The following CNKSR2 variants were observed in gnomAD, a reference collection of about 807,000 sequenced individuals.
CNKSR2 encodes the protein connector enhancer of kinase suppressor of Ras 2.
Under a neutral mutation model 84.4 loss-of-function variants are expected in CNKSR2, and 14 were observed. The observed-to-expected ratio is 0.17, with a 90% CI of 0.11 to 0.26. The LOEUF is 0.26. CNKSR2 is among the 10% of genes least tolerant of loss of function. The probability of loss-of-function intolerance (pLI) is 1.00; values close to 1 mark genes in which losing one functional copy is unlikely to be tolerated. For missense variants in CNKSR2, 485 were observed against 771.2 expected (o/e 0.63, Z 4.40); for synonymous variants, 275 against 277.9 (o/e 0.99, Z 0.10).
chrX:21,637,373 T>A (rs1313986710), intron 20 of CNKSR2: 1 of 111,709 alleles, frequency 9.0e-6, no homozygotes, highest in Admixed American at 9.5e-5. Context: ...TCAAATATTT[T>A]ATTTTACCCG....
chrX:21,518,702 A>G (rs1485260738), intron 9 of CNKSR2, among the ~76,000 whole-genome samples: 1 of 111,895 alleles, frequency 8.9e-6, no homozygotes, highest in African/African-American at 3.2e-5. Flanking sequence ...CTTACTCTTC[A>G]GGCACTATTT....
At chrX:21,475,334 T>C (rs1036430971) in intron 5 of CNKSR2, among the ~76,000 whole-genome samples, 1 of 112,017 alleles carries the variant, frequency 8.9e-6, no homozygotes, top group Non-Finnish European at 1.9e-5. Context: ...TACTATGTAC[T>C]CAAATTTTTT....
At chrX:21,633,439 AC>A (rs1187160758) in intron 20 of CNKSR2, among the ~76,000 whole-genome samples, 1 of 112,764 alleles carries the variant, frequency 8.9e-6, no homozygotes, top group African/African-American at 3.2e-5. Context: ...CAGATGGGAA[AC>A]AAATTTATTA....
chrX:21,471,247 T>C lies in CNKSR2; in HGVS notation c.561+440T>C, dbSNP rs192074990. Among the ~76,000 whole-genome samples, 217 of 112,348 alleles carry C rather than the reference T, an allele frequency of 1.9e-3. 1 individual carries two copies. The highest frequency in any genetic ancestry group is 6.1e-3 in the African/African-American group (188 of 31,012). The stretch of plus-strand genomic sequence containing the variant: ...TATACCTACGAGACAACCTTTCAAA[T>C]GGTAATATGGCAATATTTTTGAATC... On this transcript the variant is annotated intron_variant, in intron 5 of 21. Coordinates refer to ENST00000379510, the MANE Select transcript of CNKSR2 (RefSeq NM_014927.5).
At chrX:21,527,881 G>A (rs1438934911) in intron 10 of CNKSR2, among the ~76,000 whole-genome samples, 2 of 110,687 alleles carry the variant, frequency 1.8e-5, no homozygotes, top group African/African-American at 3.3e-5. Context: ...TAAATTCCTT[G>A]TGTTTAATTT....
intron 2 of CNKSR2, 65 bp downstream of exon 2, chrX:21,426,725 T>C (rs994761902): frequency 7.3e-5 from 79 of 1,081,162 alleles, no homozygotes; most frequent in Non-Finnish European, 9.5e-5. Context: ...TTTTCCCTTT[T>C]TTCTTCTCCT....
Position 21,559,325 on chromosome X carries a change from C to T in CNKSR2, c.1304-2146C>T, listed in dbSNP as rs185377530. Among the ~76,000 whole-genome samples the T allele has an allele frequency of 2.7e-3, 299 of 110,048 alleles. 4 individuals are homozygous for T. The highest frequency in any genetic ancestry group is 9.3e-3 in the African/African-American group (281 of 30,350). ...GGTGAGCTGCTCCTAAGGATGAGAC[C>T]ACCAAGACTGGCACTAGGGAGACTC... On this transcript the variant is annotated intron_variant, in intron 11 of 21. Transcript: ENST00000379510.
intron 9 of CNKSR2, among the ~76,000 whole-genome samples, chrX:21,518,899 T>A (rs1161690605): frequency 8.9e-6 from 1 of 111,967 alleles, no homozygotes; most frequent in African/African-American, 3.2e-5. Flanking sequence ...AATTTGTCAT[T>A]TCAGCTGAAT....
At chrX:21,531,689 T>G (rs774712148) in intron 10 of CNKSR2, among the ~76,000 whole-genome samples, 167 bp from the exon 11 acceptor site, 12 of 111,277 alleles carry the variant, frequency 1.1e-4, no homozygotes, top group Non-Finnish European at 1.1e-4. Context: ...CCATTTTGTT[T>G]TCAGCAAAAT....
intron 20 of CNKSR2, among the ~76,000 whole-genome samples, chrX:21,636,686 ATTC>A (rs1253249639): frequency 9.0e-6 from 1 of 111,019 alleles, no homozygotes; most frequent in Non-Finnish European, 1.9e-5. Flanking sequence ...ACAGTAGATA[ATTC>A]TTAACTATAA....
At chrX:21,557,948 A>G (rs911584351) in intron 11 of CNKSR2, among the ~76,000 whole-genome samples, 3 of 111,622 alleles carry the variant, frequency 2.7e-5, no homozygotes, top group Non-Finnish European at 5.7e-5. Flanking sequence ...AAAAAGTCAT[A>G]TGAGTATAAA....
chrX:21,477,812 A>T (rs745316336), intron 5 of CNKSR2, among the ~76,000 whole-genome samples: 1 of 112,106 alleles, frequency 8.9e-6, no homozygotes, highest in Non-Finnish European at 1.9e-5. Context: ...AAAAGTGATC[A>T]TATTAATGTT....
In CNKSR2 at chrX:21,595,385, G is replaced by A; in HGVS notation, c.1966G>A (p.Asp656Asn). ...TTATTTTGCTGCTGAACATCTTGAT[G>A]ATATGAACAGGTAAAGTATTTCAGA... ...SFYFAAEHLD[D>N]MNRWLNRINM... The change falls in exon 17 of 22, where the codon GAT (aspartate) becomes AAT (asparagine). Residue 656 changes from aspartate (D) to asparagine (N), a missense_variant. Coordinates refer to ENST00000379510, the MANE Select transcript of CNKSR2 (RefSeq NM_014927.5). 8.6e-7 allele frequency: 1 copy of A among 1,162,636 alleles called. No homozygotes were observed. Among genetic ancestry groups the A allele is most frequent in the Non-Finnish European group, 1.2e-6 (1 of 853,322 alleles).
intron 12 of CNKSR2, 71 bp from the exon 13 acceptor site, chrX:21,563,167 C>A: frequency 1.2e-6 from 1 of 862,381 alleles, no homozygotes; most frequent in Non-Finnish European, 1.6e-6. Flanking sequence ...CCTAATAGCA[C>A]AATTGAGAAA....
intron 20 of CNKSR2, among the ~76,000 whole-genome samples, chrX:21,611,314 T>TTACAAAAA (rs2092548902): frequency 4.4e-5 from 5 of 112,631 alleles, no homozygotes; most frequent in Non-Finnish European, 7.5e-5. Flanking sequence ...GAAAACACTT[T>TTACAAAAA]ATCTCAGCCA....
intron 9 of CNKSR2, among the ~76,000 whole-genome samples, chrX:21,522,579 A>G (rs1205089243): frequency 9.0e-6 from 1 of 110,881 alleles, no homozygotes. Context: ...TCTTAAGTAT[A>G]GAAGTTCTTT....
chrX:21,649,129 G>A (rs781546156), intron 21 of CNKSR2, 102 bp downstream of exon 21: 9 of 562,488 alleles, frequency 1.6e-5, no homozygotes, highest in Admixed American at 3.5e-5. Context: ...GGGCTGGGGA[G>A]AAGAAGAGGC....
intron 7 of CNKSR2, among the ~76,000 whole-genome samples, chrX:21,499,219 G>A (rs983309647): frequency 3.6e-5 from 4 of 111,826 alleles, no homozygotes; most frequent in Non-Finnish European, 7.5e-5. Context: ...ATTCATTCAT[G>A]TATTCATTTG....
intron 6 of CNKSR2, among the ~76,000 whole-genome samples, chrX:21,497,082 A>G (rs1488438297): frequency 9.0e-6 from 1 of 111,335 alleles, no homozygotes; most frequent in Non-Finnish European, 1.9e-5. Flanking sequence ...GTATGATTTC[A>G]GGATTTCTGT....
Sources: allele counts gnomAD v4.1 joint callset (sites outside exome capture counted in the v4.1 genomes callset), GRCh38; gene constraint gnomAD v4.1.1; transcripts MANE v1.5; gene names NCBI Gene and HGNC (gene_info 2026-07-23, HGNC 2026-07-21).